Variants in PHLDB2 observed in about 807,000 individuals in gnomAD.
PHLDB2 encodes the protein pleckstrin homology-like domain family B member 2.
PHLDB2 carries 71 observed loss-of-function variants against 123.6 expected under a neutral mutation model. The ratio of observed to expected loss-of-function variants is 0.57; its 90% CI spans 0.47 to 0.70. PHLDB2 has a LOEUF of 0.70. Ranked by LOEUF, PHLDB2 falls within the 30% of genes least tolerant of loss-of-function variation. The pLI is 0.00. For synonymous variants in PHLDB2, 547 were observed against 541.6 expected (o/e 1.01, Z -0.14); for missense variants, 1,446 against 1,519.5 (o/e 0.95, Z 0.80).
chr3:111,760,116 C>A (rs1009922784), intron 1 of PHLDB2, among the ~76,000 whole-genome samples: 1 of 152,222 alleles, frequency 6.6e-6, no homozygotes, highest in Non-Finnish European at 1.5e-5. Context: ...GCACATAATA[C>A]TTCTTGCCTT....
chr3:111,963,385 G>T (rs1189275443), intron 13 of PHLDB2, among the ~76,000 whole-genome samples: 1 of 152,166 alleles, frequency 6.6e-6, no homozygotes, highest in Non-Finnish European at 1.5e-5. Context: ...GTAATAATAA[G>T]TATCTGTGTA....
At chr3:111,861,429 G>C (rs2064831884) in intron 1 of PHLDB2, among the ~76,000 whole-genome samples, 1 of 152,218 alleles carries the variant, frequency 6.6e-6, no homozygotes, top group Non-Finnish European at 1.5e-5. Flanking sequence ...TGACAAGGAA[G>C]AGTTGAGTTT....
intron 1 of PHLDB2, among the ~76,000 whole-genome samples, chr3:111,762,040 G>A (rs918965599): frequency 6.6e-6 from 1 of 152,220 alleles, no homozygotes; most frequent in East Asian, 1.9e-4. Context: ...ATCCAAAAAG[G>A]GATGCCCCCC....
chr3:111,903,916 C>T (rs1036970988), intron 2 of PHLDB2, among the ~76,000 whole-genome samples: 1 of 152,126 alleles, frequency 6.6e-6, no homozygotes, highest in Non-Finnish European at 1.5e-5. Context: ...TGTTATAGGT[C>T]TGATAAGTGC....
chr3:111,892,635 A>C (rs913965900), intron 2 of PHLDB2, among the ~76,000 whole-genome samples: 1 of 152,194 alleles, frequency 6.6e-6, no homozygotes, highest in African/African-American at 2.4e-5. Context: ...AGAAAGGGGA[A>C]ATTCTTTTCC....
intron 5 of PHLDB2, among the ~76,000 whole-genome samples, chr3:111,931,634 G>C (rs2069154417): frequency 6.6e-6 from 1 of 152,018 alleles, no homozygotes; most frequent in African/African-American, 2.4e-5. Context: ...TCACTGCTTT[G>C]TCTGTCTTGC....
rs147939204 is a variant in PHLDB2, at chr3:111,885,054, G to C, written c.977G>C (p.Ser326Thr). The change falls in exon 2 of 18, where the codon AGT becomes ACT. Residue 326 changes from serine (S) to threonine (T), a missense_variant. Ser to Thr is a moderately conservative substitution (Grantham distance 58). This residue lies in a region of PHLDB2 where 832 missense variants were observed against 831.9 expected (regional missense o/e 1.00). Coordinates refer to ENST00000431670, the MANE Select transcript of PHLDB2 (RefSeq NM_001134438.2). ...TSASEGNPYV[S>T]STLSVPASPR... ...GCTTCTGAAGGCAATCCTTATGTAAGTTCTACCCTCAGTGTCCCTGCCAGT... is the reference window on the plus strand; with the variant it reads ...GCTTCTGAAGGCAATCCTTATGTAACTTCTACCCTCAGTGTCCCTGCCAGT... 1 of 1,614,016 alleles carries C rather than the reference G, an allele frequency of 6.2e-7. No individual in the cohort carries two copies. Among genetic ancestry groups the C allele is most frequent in the Non-Finnish European group, 8.5e-7 (1 of 1,180,038 alleles).
At position 111,906,026 on chromosome 3, in the gene PHLDB2, T is replaced by A. The variant is rs569993403; in HGVS notation, c.1336-7293T>A. Reference sequence around the variant, plus strand: ...GGTCCTATACAATTGTAATACCATATTTTTAGTGTACTTTCTATGTTTAGG... The same window carrying A: ...GGTCCTATACAATTGTAATACCATAATTTTAGTGTACTTTCTATGTTTAGG... On this transcript the variant is annotated intron_variant, in intron 2 of 17. Coordinates refer to ENST00000431670, the MANE Select transcript of PHLDB2 (RefSeq NM_001134438.2). Among the ~76,000 whole-genome samples the A allele has an allele frequency of 9.8e-5, 15 of 152,362 alleles. No homozygotes were observed. In the East Asian group the frequency reaches 2.3e-3, roughly 23 times the overall value.
At chr3:111,898,698 C>T (rs764250929) in intron 2 of PHLDB2, among the ~76,000 whole-genome samples, 1 of 152,326 alleles carries the variant, frequency 6.6e-6, no homozygotes, top group South Asian at 2.1e-4. Flanking sequence ...ATTTCAAAAA[C>T]GTTAACAGCA....
At chr3:111,964,729 A>G (rs542328976) in intron 13 of PHLDB2, among the ~76,000 whole-genome samples, 2 of 152,296 alleles carry the variant, frequency 1.3e-5, no homozygotes, top group South Asian at 4.1e-4. Context: ...TTTGTCAAGT[A>G]TATGTATGCT....
At chr3:111,813,949 C>G (rs1029172923) in intron 1 of PHLDB2, among the ~76,000 whole-genome samples, 8 of 152,182 alleles carry the variant, frequency 5.3e-5, no homozygotes, top group African/African-American at 1.9e-4. Context: ...TCTTTTTATT[C>G]TATGTCATTT....
chr3:111,795,626 A>G (rs1297076132), intron 1 of PHLDB2, among the ~76,000 whole-genome samples: 2 of 152,142 alleles, frequency 1.3e-5, no homozygotes, highest in Non-Finnish European at 2.9e-5. Flanking sequence ...TCCCACCCAC[A>G]CTGCCTCCTT....
chr3:111,815,917 T>C (rs1421548850), intron 1 of PHLDB2, among the ~76,000 whole-genome samples: 2 of 152,204 alleles, frequency 1.3e-5, no homozygotes, highest in Non-Finnish European at 2.9e-5. Context: ...CCATGCTGTA[T>C]GCAGCCTAGG....
intron 2 of PHLDB2, among the ~76,000 whole-genome samples, chr3:111,848,377 A>G (rs2064103075): frequency 6.6e-6 from 1 of 152,198 alleles, no homozygotes; most frequent in Non-Finnish European, 1.5e-5. Context: ...AGTCACTTTG[A>G]TAACTTCTGC....
chr3:111,822,839 A>G (rs755359162), intron 1 of PHLDB2, among the ~76,000 whole-genome samples: 4 of 152,162 alleles, frequency 2.6e-5, no homozygotes, highest in Non-Finnish European at 5.9e-5. Flanking sequence ...ATACAGCTCT[A>G]TAAATCATGA....
At chr3:111,815,583 G>C (rs1207378372) in intron 1 of PHLDB2, among the ~76,000 whole-genome samples, 1 of 152,158 alleles carries the variant, frequency 6.6e-6, no homozygotes, top group Non-Finnish European at 1.5e-5. Flanking sequence ...ACTTGAGAGA[G>C]ATTATTTAGG....
chr3:111,867,551 A>G (rs765042521), intron 1 of PHLDB2, among the ~76,000 whole-genome samples: 6 of 152,174 alleles, frequency 3.9e-5, no homozygotes, highest in Admixed American at 6.5e-5. Flanking sequence ...GCAGATTCCA[A>G]ACATCATCAT....
At chr3:111,757,985 G>A (rs924697703) in intron 1 of PHLDB2, among the ~76,000 whole-genome samples, 5 of 152,140 alleles carry the variant, frequency 3.3e-5, no homozygotes, top group African/African-American at 1.2e-4. Flanking sequence ...GGAGTACCCG[G>A]CCGTGTGAGG....
intron 13 of PHLDB2, 136 bp downstream of exon 13, chr3:111,962,448 G>C: frequency 1.5e-6 from 1 of 685,842 alleles, no homozygotes. Context: ...ATGCAGAAGA[G>C]GGTTGGTATC....
Sources: gnomAD v4.1 joint callset for allele counts (sites outside exome capture counted in the v4.1 genomes callset) on GRCh38, gnomAD v4.1.1 for gene constraint, gnomAD v4.1.1 regional missense constraint, MANE v1.5 for transcripts, NCBI Gene and HGNC (gene_info 2026-07-23, HGNC 2026-07-21) for gene names.